ANKRD12: variants seen among roughly 807,000 people sequenced by gnomAD.
ANKRD12 encodes ankyrin repeat domain-containing protein 12.
ANKRD12 carries 85 observed loss-of-function variants against 183.4 expected under a neutral mutation model. The observed-to-expected ratio is 0.46, with a 90% CI of 0.39 to 0.56. ANKRD12 has a LOEUF of 0.56. Among genes scored for constraint, ANKRD12 ranks in the 20% least tolerant of loss-of-function variants. The pLI is 0.00. For missense variants in ANKRD12, 2,405 were observed against 2,357.1 expected (o/e 1.02, Z -0.42); for synonymous variants, 914 against 800.2 (o/e 1.14, Z -2.40).
intron 3 of ANKRD12, among the ~76,000 whole-genome samples, chr18:9,202,511 T>G (rs2035233356): frequency 6.6e-6 from 1 of 152,226 alleles, no homozygotes; most frequent in African/African-American, 2.4e-5. Context: ...TATAAAAATT[T>G]CAAACATACA....
intron 10 of ANKRD12, among the ~76,000 whole-genome samples, chr18:9,265,596 A>G (rs1281250653): frequency 2.0e-5 from 3 of 152,230 alleles, no homozygotes; most frequent in Non-Finnish European, 4.4e-5. Flanking sequence ...ACAAACAGAA[A>G]GGACATCCAC....
rs539077516 is a variant in ANKRD12 at position 9,264,763 on chromosome 18, A to G, written c.5763+875A>G. 4.9e-5 allele frequency among the ~76,000 whole-genome samples: 7 copies of G among 142,230 alleles called. No homozygotes were observed. In the East Asian group the frequency reaches 1.2e-3, roughly 24 times the overall value. 93.3% of individuals were successfully genotyped at this position (142,230 alleles called of 152,430 possible). A position where few individuals can be genotyped will look rare whatever the true frequency, so the allele number is the denominator to read the frequency against. On this transcript the variant is annotated intron_variant, in intron 10 of 12. Transcript: ENST00000262126. ...ATAACACACATCAATAGCTATTTCA[A>G]CTATTAAGACGTTTGAAACCACCTA... is the stretch of plus-strand genomic sequence containing the variant.
rs2078113985 is a variant in ANKRD12 at position 9,136,784 on chromosome 18, G to A, written c.-233G>A. 6.6e-6 allele frequency: 1 copy of A among 152,264 alleles called. No individual in the cohort carries two copies. The highest frequency in any genetic ancestry group is 2.1e-4 in the South Asian group (1 of 4,834). 9.4% of individuals were successfully genotyped at this position (152,264 alleles called of 1,614,324 possible). Reference sequence around the variant, plus strand: ...CGTGCTCGCGTCGCAGCCAATCGCGGGGCGACGCTGTCCTGGGAGCGAGGA... The same window carrying A: ...CGTGCTCGCGTCGCAGCCAATCGCGAGGCGACGCTGTCCTGGGAGCGAGGA... On this transcript the variant is annotated 5_prime_UTR_variant, in exon 1 of 13. Coordinates refer to ENST00000262126, the MANE Select transcript of ANKRD12 (RefSeq NM_015208.5).
At chr18:9,215,485 A>G (rs2144680562) in intron 6 of ANKRD12, among the ~76,000 whole-genome samples, 1 of 152,182 alleles carries the variant, frequency 6.6e-6, no homozygotes, top group African/African-American at 2.4e-5. Context: ...CCCAGAACCA[A>G]TTGATTTCGA....
chr18:9,151,448 A>C (rs535966523), intron 1 of ANKRD12, among the ~76,000 whole-genome samples: 108 of 152,282 alleles, frequency 7.1e-4, no homozygotes, highest in African/African-American at 2.4e-3. Flanking sequence ...AGGATCTTAA[A>C]TGTCATCTAA....
intron 7 of ANKRD12, among the ~76,000 whole-genome samples, chr18:9,218,070 A>T (rs1032871220): frequency 1.3e-5 from 2 of 152,198 alleles, no homozygotes; most frequent in African/African-American, 4.8e-5. Flanking sequence ...AATATTATTG[A>T]TAGTTTACCA....
At chr18:9,270,106 G>A (rs1179787922) in intron 10 of ANKRD12, among the ~76,000 whole-genome samples, 1 of 152,156 alleles carries the variant, frequency 6.6e-6, no homozygotes, top group East Asian at 1.9e-4. Context: ...TAAAAAGTCA[G>A]GAAACAACAG....
At chr18:9,273,549 A>G (rs1038980698) in intron 10 of ANKRD12, among the ~76,000 whole-genome samples, 1 of 152,230 alleles carries the variant, frequency 6.6e-6, no homozygotes, top group African/African-American at 2.4e-5. Context: ...GTGAAATGAT[A>G]CGGCTACTAT....
At chr18:9,182,606 A>G in intron 2 of ANKRD12, 87 bp downstream of exon 2, 1 of 794,788 alleles carries the variant, frequency 1.3e-6, no homozygotes, top group Non-Finnish European at 1.9e-6. Flanking sequence ...CTCGTAAGAT[A>G]AAAACCAATA....
chr18:9,193,143 T>G (rs2034561459), intron 2 of ANKRD12, among the ~76,000 whole-genome samples: 1 of 151,062 alleles, frequency 6.6e-6, no homozygotes, highest in African/African-American at 2.4e-5. Context: ...GCATTTTTTT[T>G]TTTTTTTTTT....
At chr18:9,138,477 C>T (rs1342072008) in intron 1 of ANKRD12, among the ~76,000 whole-genome samples, 3 of 152,210 alleles carry the variant, frequency 2.0e-5, no homozygotes, top group Non-Finnish European at 4.4e-5. Context: ...CGTGCCACTG[C>T]ACTCCAGCCT....
chr18:9,158,502 C>CT (rs1555708289), intron 1 of ANKRD12, among the ~76,000 whole-genome samples: 1 of 152,104 alleles, frequency 6.6e-6, no homozygotes, highest in Non-Finnish European at 1.5e-5. Flanking sequence ...TAGAATTTGT[C>CT]TTAAGTTTTT....
intron 3 of ANKRD12, 131 bp downstream of exon 3, chr18:9,195,829 C>A: frequency 1.2e-6 from 1 of 869,536 alleles, no homozygotes; most frequent in Non-Finnish European, 1.6e-6. Context: ...TCAGATTTAT[C>A]ATTTTGGGGT....
chr18:9,177,157 G>A (rs983373565), intron 1 of ANKRD12, among the ~76,000 whole-genome samples: 1 of 152,178 alleles, frequency 6.6e-6, no homozygotes, highest in Non-Finnish European at 1.5e-5. Flanking sequence ...TATACTCTGT[G>A]CAGCCCTTAG....
intron 1 of ANKRD12, among the ~76,000 whole-genome samples, chr18:9,181,495 C>T (rs915980926): frequency 6.6e-6 from 1 of 152,166 alleles, no homozygotes; most frequent in African/African-American, 2.4e-5. Flanking sequence ...CTTGTTGTAG[C>T]CCAAGTAATA....
rs145148264 is a variant in ANKRD12 at position 9,282,568 on chromosome 18, A to G, written c.*1442A>G. The G allele has an allele frequency of 4.2e-4, 64 of 152,652 alleles. 1 individual carries two copies. The highest frequency in any genetic ancestry group is 1.5e-3 in the African/African-American group (62 of 41,580). 9.5% of individuals were successfully genotyped at this position (152,652 alleles called of 1,614,324 possible). A position where few individuals can be genotyped will look rare whatever the true frequency, so the allele number is the denominator to read the frequency against. Reference sequence around the variant, plus strand: ...GCTGAACTTGTTAGACATTTTTGAAAGGAAAATTAGGTTAGCGTACAATTT... The same window carrying G: ...GCTGAACTTGTTAGACATTTTTGAAGGGAAAATTAGGTTAGCGTACAATTT... On this transcript the variant is annotated 3_prime_UTR_variant, in exon 13 of 13. Coordinates refer to ENST00000262126, the MANE Select transcript of ANKRD12 (RefSeq NM_015208.5).
intron 3 of ANKRD12, among the ~76,000 whole-genome samples, chr18:9,203,457 A>C (rs2035292719): frequency 6.6e-6 from 1 of 152,198 alleles, no homozygotes; most frequent in African/African-American, 2.4e-5. Context: ...TGTGAGTTGA[A>C]ATGGCATTTA....
chr18:9,152,421 A>C (rs1039376857), intron 1 of ANKRD12, among the ~76,000 whole-genome samples: 2 of 152,202 alleles, frequency 1.3e-5, no homozygotes, highest in African/African-American at 4.8e-5. Flanking sequence ...TCAATTATTC[A>C]TAAATAGGTC....
intron 1 of ANKRD12, among the ~76,000 whole-genome samples, chr18:9,141,523 C>G (rs1260000782): frequency 6.6e-6 from 1 of 152,150 alleles, no homozygotes; most frequent in Non-Finnish European, 1.5e-5. Context: ...TTGTAAGAAA[C>G]TTAAATTCAA....
Sources: gnomAD v4.1 joint callset for allele counts (sites outside exome capture counted in the v4.1 genomes callset) on GRCh38, gnomAD v4.1.1 for gene constraint, MANE v1.5 for transcripts, NCBI Gene and HGNC (gene_info 2026-07-23, HGNC 2026-07-21) for gene names.